The following ASCC3 variants were observed in gnomAD, a reference collection of about 807,000 sequenced individuals.
ASCC3 encodes activating signal cointegrator 1 complex subunit 3.
In ASCC3, 158 loss-of-function variants were observed where a neutral mutation model predicts 256.3. That is an observed-to-expected ratio of 0.62 (90% CI 0.54 to 0.70). The LOEUF (loss-of-function observed/expected upper bound fraction) is 0.70. Ranked by LOEUF, ASCC3 falls within the 30% of genes least tolerant of loss-of-function variation. The pLI is 0.00. For synonymous variants in ASCC3, 948 were observed against 883.4 expected, an observed-to-expected ratio of 1.07 and a Z score of -1.30; for missense variants, 2,259 against 2,626.0, an observed-to-expected ratio of 0.86 and a Z score of 3.05.
At position 100,609,497 on chromosome 6, in the gene ASCC3, G is replaced by A. The variant is rs79587760; in HGVS notation, c.4786-2409C>T. 1.6e-4 allele frequency among the ~76,000 whole-genome samples: 24 copies of A among 150,496 alleles called. No individual in the cohort carries two copies. The East Asian group carries it at 2.5e-3, about 16-fold the overall frequency. On this transcript the variant is annotated intron_variant, in intron 30 of 41. Coordinates refer to ENST00000369162, the MANE Select transcript of ASCC3 (RefSeq NM_006828.4). ...TTTTTGAAACTCATGTTGTAGAAAC[G>A]CTCTCTGAATATTCTATCACTTTCC...
In ASCC3 at chr6:100,771,786, T is replaced by TGAA. The variant is rs58554816; in HGVS notation, c.1396-4442_1396-4441insTTC. Among the ~76,000 whole-genome samples, 3 of 151,192 alleles carry TGAA rather than the reference T, an allele frequency of 2.0e-5. No homozygotes were observed. The East Asian group carries it at 5.8e-4, about 29-fold the overall frequency. The stretch of plus-strand genomic sequence containing the variant: ...TAATTTTTTTAATTGCAAGTATTGT[T>TGAA]GATGTAGAGAAAAAAGAATTCACAC... On this transcript the variant is annotated intron_variant, in intron 8 of 41. Transcript: ENST00000369162.
At chr6:100,601,970 A>G (rs759461137) in intron 33 of ASCC3, 35 bp from the exon 34 acceptor site, 13 of 1,606,104 alleles carry the variant, frequency 8.1e-6, no homozygotes, top group Non-Finnish European at 1.1e-5. Flanking sequence ...AGCATACAAG[A>G]GCATTAAACT....
At chr6:100,529,330 G>T (rs1774749529) in intron 37 of ASCC3, among the ~76,000 whole-genome samples, 1 of 152,042 alleles carries the variant, frequency 6.6e-6, no homozygotes, top group Non-Finnish European at 1.5e-5. Flanking sequence ...AGAATGTGAG[G>T]AAACAAGTGG....
chr6:100,536,482 C>A (rs1315590316), intron 37 of ASCC3, among the ~76,000 whole-genome samples: 2 of 151,986 alleles, frequency 1.3e-5, no homozygotes, highest in Non-Finnish European at 2.9e-5. Flanking sequence ...CAGCAAGCAC[C>A]CAGATTTTCT....
At chr6:100,550,417 C>A (rs996963970) in intron 36 of ASCC3, among the ~76,000 whole-genome samples, 10 of 151,920 alleles carry the variant, frequency 6.6e-5, no homozygotes, top group African/African-American at 2.4e-4. Flanking sequence ...GAAAGAGAAA[C>A]CTCTGAAAGT....
intron 4 of ASCC3, among the ~76,000 whole-genome samples, chr6:100,835,222 G>A (rs533392120): frequency 6.6e-6 from 1 of 152,060 alleles, no homozygotes; most frequent in South Asian, 2.1e-4. Flanking sequence ...CCATTCCTTA[G>A]GCTGTATTTT....
chr6:100,651,701 A>T, intron 18 of ASCC3, 55 bp from the exon 19 acceptor site: 1 of 957,530 alleles, frequency 1.0e-6, no homozygotes, highest in Non-Finnish European at 1.5e-6. Context: ...AATATTTTAA[A>T]TTAAAAATGT....
intron 8 of ASCC3, among the ~76,000 whole-genome samples, chr6:100,775,406 T>G (rs1477581086): frequency 2.0e-5 from 3 of 152,100 alleles, no homozygotes; most frequent in Non-Finnish European, 4.4e-5. Context: ...CAGAGGGAAC[T>G]GAGGCCTAGA....
intron 3 of ASCC3, among the ~76,000 whole-genome samples, chr6:100,851,732 G>A (rs1772678310): frequency 6.6e-6 from 1 of 152,148 alleles, no homozygotes; most frequent in Non-Finnish European, 1.5e-5. Flanking sequence ...CCACAGAACA[G>A]TTTTTCAACA....
intron 36 of ASCC3, 39 bp from the exon 37 acceptor site, chr6:100,540,426 T>C: frequency 6.7e-6 from 10 of 1,499,674 alleles, no homozygotes; most frequent in Non-Finnish European, 9.2e-6. Flanking sequence ...TGGATCAAAG[T>C]ATAATAATTA....
At chr6:100,843,701 T>G (rs960313440) in intron 4 of ASCC3, among the ~76,000 whole-genome samples, 18 of 152,184 alleles carry the variant, frequency 1.2e-4, no homozygotes, top group African/African-American at 4.1e-4. Context: ...TTCAAAAACT[T>G]AATCCAAAAG....
At chr6:100,878,060 A>C (rs774813855) in intron 1 of ASCC3, among the ~76,000 whole-genome samples, 1 of 152,110 alleles carries the variant, frequency 6.6e-6, no homozygotes, top group Non-Finnish European at 1.5e-5. Context: ...GGGATTCTCA[A>C]AGGTAATCTT....
At chr6:100,518,729 GT>G (rs1774157863) in intron 37 of ASCC3, among the ~76,000 whole-genome samples, 2 of 152,112 alleles carry the variant, frequency 1.3e-5, no homozygotes, top group Admixed American at 1.3e-4. Context: ...TTAATCTAAT[GT>G]TTTATGGACA....
intron 14 of ASCC3, among the ~76,000 whole-genome samples, chr6:100,673,410 A>G (rs935701465): frequency 5.3e-5 from 8 of 152,126 alleles, no homozygotes; most frequent in African/African-American, 1.9e-4. Flanking sequence ...CAAGTGAGTG[A>G]AAAACAACAT....
chr6:100,544,171 G>C (rs527869851), intron 36 of ASCC3, among the ~76,000 whole-genome samples: 1 of 152,056 alleles, frequency 6.6e-6, no homozygotes, highest in East Asian at 1.9e-4. Flanking sequence ...CATTGGAACA[G>C]TACTTAGGAG....
chr6:100,814,270 T>C (rs1163705570), intron 4 of ASCC3, among the ~76,000 whole-genome samples: 1 of 152,168 alleles, frequency 6.6e-6, no homozygotes, highest in Non-Finnish European at 1.5e-5. Flanking sequence ...TGAACCAACC[T>C]TGCATCCCAG....
intron 13 of ASCC3, among the ~76,000 whole-genome samples, chr6:100,714,513 A>T (rs1326213354): frequency 2.0e-5 from 3 of 152,032 alleles, no homozygotes; most frequent in Non-Finnish European, 4.4e-5. Flanking sequence ...AAAGAACTCC[A>T]TTTTCCTCAT....
chr6:100,805,087 G>T (rs1770104216), intron 5 of ASCC3, among the ~76,000 whole-genome samples: 1 of 151,870 alleles, frequency 6.6e-6, no homozygotes, highest in Non-Finnish European at 1.5e-5. Flanking sequence ...AGAAGAAATT[G>T]TTCTGTTTCC....
chr6:100,865,129 G>T (rs895630611), intron 2 of ASCC3, among the ~76,000 whole-genome samples: 2 of 152,162 alleles, frequency 1.3e-5, no homozygotes, highest in African/African-American at 4.8e-5. Flanking sequence ...AATGGGCAAA[G>T]GTAGAGATGA....
Sources: gnomAD v4.1 joint callset for allele counts (sites outside exome capture counted in the v4.1 genomes callset) on GRCh38, gnomAD v4.1.1 for gene constraint, MANE v1.5 for transcripts, NCBI Gene and HGNC (gene_info 2026-07-23, HGNC 2026-07-21) for gene names.